DZIP3: variants seen among roughly 807,000 people sequenced by gnomAD.
The protein encoded by DZIP3 is DAZ interacting zinc finger protein 3.
In DZIP3, 118 loss-of-function variants were observed where a neutral mutation model predicts 162.0. The observed-to-expected ratio is 0.73, with a 90% CI of 0.63 to 0.85. The LOEUF (loss-of-function observed/expected upper bound fraction) is 0.85. Among genes scored for constraint, DZIP3 ranks in the 40% least tolerant of loss-of-function variants. DZIP3 has a pLI of 0.00. For synonymous variants in DZIP3, 438 were observed against 458.6 expected (o/e 0.96, Z 0.57); for missense variants, 1,331 against 1,407.0 (o/e 0.95, Z 0.86).
At chr3:108,690,588 A>G (rs1310460008) in intron 31 of DZIP3, among the ~76,000 whole-genome samples, 199 bp from the exon 32 acceptor site, 5 of 152,208 alleles carry the variant, frequency 3.3e-5, no homozygotes, top group Admixed American at 2.6e-4. Flanking sequence ...GCTAAAAGGT[A>G]TTGTGCAGTT....
rs1944774690 is a variant in DZIP3, at chr3:108,693,397, G to GT, written c.*44_*45insT. The GT allele has an allele frequency of 6.6e-6, 1 of 152,160 alleles. No individual in the cohort carries two copies. Among genetic ancestry groups the GT allele is most frequent in the Non-Finnish European group, 1.5e-5 (1 of 68,016 alleles). 9.4% of individuals were successfully genotyped at this position (152,160 alleles called of 1,614,324 possible). A position where few individuals can be genotyped will look rare whatever the true frequency, so the allele number is the denominator to read the frequency against. On this transcript the variant is annotated 3_prime_UTR_variant, in exon 33 of 33. Coordinates refer to ENST00000361582, the MANE Select transcript of DZIP3 (RefSeq NM_014648.4). ...AGATTATGAACTACTTGAAGGTGGA[G>GT]ACTGTACGGTGGTGTGTTGGAGCTG...
intron 4 of DZIP3, among the ~76,000 whole-genome samples, chr3:108,612,752 A>G (rs959338570): frequency 8.5e-5 from 13 of 152,054 alleles, no homozygotes; most frequent in African/African-American, 2.7e-4. Flanking sequence ...TGTCTTTTCA[A>G]TTTTTTAAAA....
At chr3:108,593,274 G>A (rs1420959981) in intron 1 of DZIP3, among the ~76,000 whole-genome samples, 1 of 152,130 alleles carries the variant, frequency 6.6e-6, no homozygotes, top group African/African-American at 2.4e-5. Flanking sequence ...ACAACCCCAT[G>A]CTGTAGGAAC....
intron 17 of DZIP3, among the ~76,000 whole-genome samples, chr3:108,650,744 C>T (rs964277239): frequency 6.6e-6 from 1 of 151,538 alleles, no homozygotes; most frequent in South Asian, 2.1e-4. Flanking sequence ...TACATTGTGT[C>T]TAAAGGTATA....
intron 19 of DZIP3, 34 bp from the exon 20 acceptor site, chr3:108,661,843 A>AAAATAAT: frequency 6.4e-7 from 1 of 1,555,118 alleles, no homozygotes; most frequent in Non-Finnish European, 8.7e-7. Context: ...TTTTTTGAGG[A>AAAATAAT]AAATAATACA....
intron 19 of DZIP3, among the ~76,000 whole-genome samples, chr3:108,657,583 A>C (rs1296642774): frequency 6.6e-6 from 1 of 152,210 alleles, no homozygotes; most frequent in Non-Finnish European, 1.5e-5. Flanking sequence ...TGCATCAACT[A>C]ACGAGCAAAA....
chr3:108,619,674 A>G (rs1050131937), intron 5 of DZIP3, among the ~76,000 whole-genome samples: 1 of 152,140 alleles, frequency 6.6e-6, no homozygotes, highest in African/African-American at 2.4e-5. Context: ...GCCCACCTAC[A>G]TTGGAGAGGG....
intron 5 of DZIP3, among the ~76,000 whole-genome samples, chr3:108,622,002 A>G (rs779817230): frequency 1.3e-5 from 2 of 152,028 alleles, no homozygotes; most frequent in African/African-American, 2.4e-5. Flanking sequence ...GTTCAAGATC[A>G]GCCTGGGTAA....
Position 108,661,859 on chromosome 3 carries a change from A to G in DZIP3, c.2200-18A>G. Reference sequence around the variant, plus strand: ...TTTTTGAGGAAAATAATACATGCATATTTCCTGTGCTCAATAGGGCTCAGC... The same window carrying G: ...TTTTTGAGGAAAATAATACATGCATGTTTCCTGTGCTCAATAGGGCTCAGC... On this transcript the variant is annotated intron_variant, in intron 19 of 32. Coordinates refer to ENST00000361582, the MANE Select transcript of DZIP3 (RefSeq NM_014648.4). 1 of 1,598,472 alleles carries G rather than the reference A, an allele frequency of 6.3e-7. No individual in the cohort carries two copies. The highest frequency in any genetic ancestry group is 2.2e-5 in the East Asian group (1 of 44,762).
chr3:108,678,617 C>A lies in DZIP3; in HGVS notation c.2883+1019C>A, dbSNP rs147686645. On this transcript the variant is annotated intron_variant, in intron 26 of 32. Coordinates refer to ENST00000361582, the MANE Select transcript of DZIP3 (RefSeq NM_014648.4). ...TGGATCTTAATCAGATAAACTAATC[C>A]CTGTCCTGTATGTCTGGGAAACATA... Among the ~76,000 whole-genome samples, 203 of 152,066 alleles carry A rather than the reference C, an allele frequency of 1.3e-3. 3 individuals carry two copies. The East Asian group carries it at 0.037, about 28-fold the overall frequency.
chr3:108,606,357 A>G (rs1940373439), intron 2 of DZIP3, among the ~76,000 whole-genome samples: 1 of 152,208 alleles, frequency 6.6e-6, no homozygotes. Flanking sequence ...TATAATAAGC[A>G]GTGTGACTTA....
At chr3:108,673,244 C>T (rs1439600671) in intron 23 of DZIP3, among the ~76,000 whole-genome samples, 1 of 151,878 alleles carries the variant, frequency 6.6e-6, no homozygotes, top group Non-Finnish European at 1.5e-5. Context: ...ACAAACCTTA[C>T]ACCTCTGTCA....
chr3:108,653,321 C>A (rs1303098293), intron 18 of DZIP3, among the ~76,000 whole-genome samples: 1 of 151,258 alleles, frequency 6.6e-6, no homozygotes, highest in African/African-American at 2.4e-5. Context: ...CTTAGAGTTT[C>A]TATTCACTAG....
chr3:108,670,834 G>C lies in DZIP3; in HGVS notation c.2492+1085G>C, dbSNP rs530732659. ...TTATTTTACCCATTGTATTATGTGT[G>C]AAGTAGTATATAAATGTGGTTTTGA... On this transcript the variant is annotated intron_variant, in intron 22 of 32. Coordinates refer to ENST00000361582, the MANE Select transcript of DZIP3 (RefSeq NM_014648.4). 2.0e-5 allele frequency among the ~76,000 whole-genome samples: 3 copies of C among 151,986 alleles called. No homozygotes were observed. In the South Asian group the frequency reaches 6.2e-4, roughly 32 times the overall value.
In DZIP3 at chr3:108,690,793, A is replaced by G; in HGVS notation, c.3523A>G (p.Arg1175Gly). Residue 1175 changes from arginine to glycine, a missense_variant, in exon 32 of 33, where the codon AGA becomes GGA. Coordinates refer to ENST00000361582, the MANE Select transcript of DZIP3 (RefSeq NM_014648.4). Reference protein sequence around the residue: ...CAHKFHAQCIRPWLMQQGTCP... With the variant: ...CAHKFHAQCIGPWLMQQGTCP... ...AAATCTTTTTGCTCCTTAGTGCATTAGACCATGGTTGATGCAACAGGGGAC... is the reference window on the plus strand; with the variant it reads ...AAATCTTTTTGCTCCTTAGTGCATTGGACCATGGTTGATGCAACAGGGGAC... 2 of 1,613,970 alleles carry G rather than the reference A, an allele frequency of 1.2e-6. No individual in the cohort carries two copies. Among genetic ancestry groups the G allele is most frequent in the Non-Finnish European group, 8.5e-7 (1 of 1,179,862 alleles).
intron 21 of DZIP3, among the ~76,000 whole-genome samples, chr3:108,667,694 G>A (rs978354593): frequency 9.9e-5 from 15 of 152,064 alleles, no homozygotes; most frequent in Non-Finnish European, 2.1e-4. Flanking sequence ...ACACGCATAT[G>A]AATTTACAAT....
Position 108,629,150 on chromosome 3 carries a change from G to C in DZIP3, c.670G>C (p.Asp224His), listed in dbSNP as rs1473514004. Residue 224 changes from aspartate (D) to histidine (H), a missense_variant, in exon 8 of 33, where the codon GAT becomes CAT. By Grantham distance (81) the Asp-to-His change is moderately conservative. Transcript: ENST00000361582. ...TTGGTTTGACATAGATCCTACAGAA[G>C]ATGAAGATTTACCTACAACTTTTAA... ...DHWFDIDPTE[D>H]EDLPTTFKDL... is the part of the protein sequence containing the mutation. 6.3e-7 allele frequency: 1 copy of C among 1,589,574 alleles called. No individual in the cohort carries two copies. Among genetic ancestry groups the C allele is most frequent in the Admixed American group, 1.9e-5 (1 of 53,700 alleles).
intron 32 of DZIP3, among the ~76,000 whole-genome samples, chr3:108,691,936 A>G (rs1253597180): frequency 6.6e-6 from 1 of 151,914 alleles, no homozygotes; most frequent in East Asian, 1.9e-4. Flanking sequence ...CCTTTCCCCT[A>G]CTAAGTTAGG....
intron 18 of DZIP3, among the ~76,000 whole-genome samples, chr3:108,653,539 A>G (rs908372666): frequency 7.2e-6 from 1 of 139,252 alleles, no homozygotes; most frequent in Admixed American, 7.1e-5. Context: ...ATATATATAT[A>G]TATGTAGTAT....
Sources: gnomAD v4.1 joint callset for allele counts (sites outside exome capture counted in the v4.1 genomes callset) on GRCh38, gnomAD v4.1.1 for gene constraint, MANE v1.5 for transcripts, NCBI Gene and HGNC (gene_info 2026-07-23, HGNC 2026-07-21) for gene names.